Variants in CORIN observed in about 807,000 individuals in gnomAD.
CORIN encodes atrial natriuretic peptide-converting enzyme.
In CORIN, 117 loss-of-function variants were observed where a neutral mutation model predicts 125.3. The observed-to-expected ratio is 0.93, with a 90% confidence interval of 0.80 to 1.09. CORIN has a LOEUF of 1.09. CORIN is among the 50% of genes least tolerant of loss of function. The pLI, the probability that CORIN is intolerant of heterozygous loss-of-function variation, is 0.00. For missense variants in CORIN, 1,253 were observed against 1,306.7 expected, an observed-to-expected ratio of 0.96 and a Z score of 0.63; for synonymous variants, 450 against 466.4, an observed-to-expected ratio of 0.96 and a Z score of 0.45.
chr4:47,655,643 G>A lies in CORIN; in HGVS notation c.1736-1983C>T, dbSNP rs192494521. Among the ~76,000 whole-genome samples, 11 of 152,238 alleles carry A rather than the reference G, an allele frequency of 7.2e-5. No individual in the cohort carries two copies. In the East Asian group the frequency reaches 2.1e-3, roughly 29 times the overall value. ...AGAGTGAGAAGAACTTTGACTTGTG[G>A]CTTGGGCGCCAATACTGCAGAAATT... On this transcript the variant is annotated intron_variant, in intron 12 of 21. Transcript: ENST00000273857.
chr4:47,621,750 G>A (rs1177203545), intron 19 of CORIN, among the ~76,000 whole-genome samples: 1 of 151,882 alleles, frequency 6.6e-6, no homozygotes, highest in Non-Finnish European at 1.5e-5. Flanking sequence ...TTTCTGTGAA[G>A]GTGTTTTTTT....
In CORIN at chr4:47,603,440, G is replaced by A. The variant is rs775105746; in HGVS notation, c.2769C>T (p.Asp923=). 51 of 1,614,070 alleles carry A rather than the reference G, an allele frequency of 3.2e-5. 1 individual carries two copies. In the South Asian group the frequency reaches 5.5e-4, roughly 17 times the overall value. The change falls in exon 20 of 22, where the codon GAC becomes GAT. Residue 923 remains aspartate, a synonymous_variant. Coordinates refer to ENST00000273857, the MANE Select transcript of CORIN (RefSeq NM_006587.4). ...LPNPEQWLEP[D]TYCYITGWGH... ...CCCAGCCTGTGATATAGCAGTACGT[G>A]TCAGGCTCTAGCCACTGCTCCGGGT...
At chr4:47,722,232 C>T (rs1055290968) in intron 5 of CORIN, among the ~76,000 whole-genome samples, 1 of 152,204 alleles carries the variant, frequency 6.6e-6, no homozygotes, top group Non-Finnish European at 1.5e-5. Flanking sequence ...CATCTTCTAA[C>T]TGTGGAAGGT....
chr4:47,673,204 A>G (rs1378395553), intron 10 of CORIN, among the ~76,000 whole-genome samples: 1 of 150,304 alleles, frequency 6.7e-6, no homozygotes. Context: ...ATAAATAAAT[A>G]AATAAATAAA....
At chr4:47,718,579 G>A (rs1727207035) in intron 5 of CORIN, among the ~76,000 whole-genome samples, 1 of 152,178 alleles carries the variant, frequency 6.6e-6, no homozygotes, top group South Asian at 2.1e-4. Flanking sequence ...AGTTGTCATT[G>A]TAACCTAACG....
chr4:47,662,453 A>T (rs1400413526), intron 11 of CORIN, among the ~76,000 whole-genome samples: 1 of 152,100 alleles, frequency 6.6e-6, no homozygotes, highest in Admixed American at 6.6e-5. Flanking sequence ...TAAAGAAATG[A>T]TATATTATTG....
chr4:47,783,259 T>C (rs933683354), intron 3 of CORIN, among the ~76,000 whole-genome samples: 5 of 152,096 alleles, frequency 3.3e-5, no homozygotes, highest in Non-Finnish European at 2.9e-5. Context: ...AAAAAAGTCC[T>C]TGCTGAAACA....
At chr4:47,640,447 G>A (rs1206644292) in intron 16 of CORIN, among the ~76,000 whole-genome samples, 2 of 152,152 alleles carry the variant, frequency 1.3e-5, no homozygotes, top group African/African-American at 4.8e-5. Flanking sequence ...AATTTATAGA[G>A]GCAGAAAGCA....
At chr4:47,768,310 G>A (rs924636274) in intron 3 of CORIN, among the ~76,000 whole-genome samples, 2 of 152,020 alleles carry the variant, frequency 1.3e-5, no homozygotes, top group South Asian at 2.1e-4. Context: ...CTCTTCTCAC[G>A]GACTCAAGTG....
intron 3 of CORIN, among the ~76,000 whole-genome samples, chr4:47,777,543 A>G (rs530477235): frequency 5.9e-5 from 9 of 152,300 alleles, no homozygotes; most frequent in African/African-American, 2.2e-4. Flanking sequence ...AGGCAGGAGA[A>G]TCACTTGAAC....
chr4:47,670,005 A>T (rs1724671800), intron 10 of CORIN, among the ~76,000 whole-genome samples: 1 of 152,018 alleles, frequency 6.6e-6, no homozygotes, highest in Admixed American at 6.6e-5. Context: ...GTTTTTCTTT[A>T]TAATTTAACT....
At chr4:47,694,916 T>C (rs1725919239) in intron 5 of CORIN, among the ~76,000 whole-genome samples, 1 of 152,240 alleles carries the variant, frequency 6.6e-6, no homozygotes, top group Admixed American at 6.5e-5. Flanking sequence ...TTTCAACTCA[T>C]TGAACATTAA....
intron 1 of CORIN, 137 bp downstream of exon 1, chr4:47,837,750 G>A: frequency 3.6e-6 from 3 of 826,730 alleles, no homozygotes; most frequent in Non-Finnish European, 6.3e-6. Flanking sequence ...GTCAGAGCGG[G>A]AGCTCACCGG....
chr4:47,647,635 ATAAG>A (rs1454064843), intron 13 of CORIN, among the ~76,000 whole-genome samples: 1 of 152,222 alleles, frequency 6.6e-6, no homozygotes, highest in Non-Finnish European at 1.5e-5. Context: ...TCACCATTTT[ATAAG>A]TGAGGAAACT....
intron 4 of CORIN, among the ~76,000 whole-genome samples, chr4:47,759,558 G>C (rs1393866968): frequency 6.6e-6 from 1 of 152,050 alleles, no homozygotes; most frequent in African/African-American, 2.4e-5. Flanking sequence ...AAAAAAACCT[G>C]AATAGACATT....
intron 1 of CORIN, among the ~76,000 whole-genome samples, chr4:47,830,809 C>T (rs1302831399): frequency 6.6e-6 from 1 of 152,148 alleles, no homozygotes; most frequent in Non-Finnish European, 1.5e-5. Flanking sequence ...TACTGTCAAT[C>T]TCTATCTATG....
At chr4:47,642,159 T>A in intron 15 of CORIN, 110 bp from the exon 16 acceptor site, 1 of 1,186,182 alleles carries the variant, frequency 8.4e-7, no homozygotes, top group South Asian at 1.4e-5. Context: ...TTCATTTATT[T>A]TAGTTAATCA....
At chr4:47,623,977 C>T (rs768304101) in intron 17 of CORIN, 29 bp from the exon 18 acceptor site, 1 of 1,576,750 alleles carries the variant, frequency 6.3e-7, no homozygotes, top group Non-Finnish European at 8.7e-7. Flanking sequence ...AATGGTATAA[C>T]ATTAAGTTAC....
At chr4:47,753,698 T>A (rs896977851) in intron 4 of CORIN, among the ~76,000 whole-genome samples, 15 of 152,144 alleles carry the variant, frequency 9.9e-5, no homozygotes, top group Non-Finnish European at 1.8e-4. Context: ...CCGCAGGCAG[T>A]CAGACCTTAT....
Sources: gnomAD v4.1 joint callset for allele counts (sites outside exome capture counted in the v4.1 genomes callset) on GRCh38, gnomAD v4.1.1 for gene constraint, MANE v1.5 for transcripts, NCBI Gene and HGNC (gene_info 2026-07-23, HGNC 2026-07-21) for gene names.